FGF13: variants seen among roughly 807,000 people sequenced by gnomAD.
FGF13 encodes the protein fibroblast growth factor homologous factor 2.
In FGF13, 2 loss-of-function variants were observed where a neutral mutation model predicts 19.5. The ratio of observed to expected loss-of-function variants is 0.10; its 90% CI spans 0.04 to 0.32. The LOEUF is 0.32. FGF13 is among the 10% of genes least tolerant of loss of function. The pLI is 1.00. For synonymous variants in FGF13, 72 were observed against 76.9 expected (o/e 0.94, Z 0.33); for missense variants, 113 against 192.7 (o/e 0.59, Z 2.45).
intron 1 of FGF13, among the ~76,000 whole-genome samples, chrX:139,147,710 T>TGCCC (rs1055592768): frequency 9.0e-6 from 1 of 111,357 alleles, no homozygotes; most frequent in African/African-American, 3.3e-5. Flanking sequence ...TTTCAATCTC[T>TGCCC]GCCCTCGTCT....
At chrX:138,961,159 G>C (rs746273503) in intron 1 of FGF13, among the ~76,000 whole-genome samples, 8 of 111,263 alleles carry the variant, frequency 7.2e-5, no homozygotes, top group Non-Finnish European at 1.3e-4. Flanking sequence ...ATCTACCTTT[G>C]GTCTTTGATG....
rs748506693 is a variant in FGF13, at chrX:138,674,418, G to C, written c.402+28566C>G. Among the ~76,000 whole-genome samples the C allele has an allele frequency of 2.7e-5, 3 of 111,428 alleles. No individual in the cohort carries two copies. In the Admixed American group the frequency reaches 2.9e-4, roughly 11 times the overall value. On this transcript the variant is annotated intron_variant, in intron 3 of 4. Transcript: ENST00000315930. Reference sequence around the variant, plus strand: ...ATAGATGCTGAATTAGCACAGATGTGGATTGAACAAGGGCTGGAGTATTGC... The same window carrying C: ...ATAGATGCTGAATTAGCACAGATGTCGATTGAACAAGGGCTGGAGTATTGC...
intron 3 of FGF13, among the ~76,000 whole-genome samples, chrX:138,820,480 G>C (rs1028282991): frequency 6.3e-5 from 7 of 111,489 alleles, no homozygotes; most frequent in Non-Finnish European, 1.3e-4. Context: ...GTTTCTGTTG[G>C]AACTATTCAA....
chrX:138,637,231 T>A (rs905451831), intron 3 of FGF13, among the ~76,000 whole-genome samples: 1 of 112,264 alleles, frequency 8.9e-6, no homozygotes, highest in African/African-American at 3.2e-5. Context: ...CTGTGAAAAC[T>A]CCTCTTTGTA....
chrX:139,013,155 C>G (rs1255520648), intron 1 of FGF13, among the ~76,000 whole-genome samples: 1 of 110,752 alleles, frequency 9.0e-6, no homozygotes, highest in East Asian at 2.9e-4. Context: ...ACACCTCACT[C>G]CTGCAAGAAT....
chrX:139,156,450 A>G (rs922274513), intron 1 of FGF13, among the ~76,000 whole-genome samples: 2 of 112,219 alleles, frequency 1.8e-5, no homozygotes, highest in African/African-American at 6.5e-5. Context: ...CATGATTACA[A>G]TGCATCAAAA....
intron 1 of FGF13, among the ~76,000 whole-genome samples, chrX:138,942,728 T>C (rs2091764343): frequency 1.8e-5 from 2 of 111,883 alleles, no homozygotes; most frequent in Non-Finnish European, 3.8e-5. Flanking sequence ...ACAAAGGTAT[T>C]TTCTATCTCT....
At chrX:139,072,560 G>C (rs896792289) in intron 1 of FGF13, among the ~76,000 whole-genome samples, 31 of 111,970 alleles carry the variant, frequency 2.8e-4, no homozygotes, top group African/African-American at 1.0e-3. Flanking sequence ...TCACCTATTG[G>C]AAGATAATTT....
intron 3 of FGF13, among the ~76,000 whole-genome samples, chrX:138,841,502 C>G (rs2091149698): frequency 9.1e-6 from 1 of 110,233 alleles, no homozygotes. Context: ...AGTACCTATC[C>G]AATCCTTTTT....
intron 3 of FGF13, 61 bp from the exon 4 acceptor site, chrX:138,635,716 C>T (rs976229737): frequency 1.1e-6 from 1 of 935,457 alleles, no homozygotes; most frequent in Non-Finnish European, 1.5e-6. Flanking sequence ...CCTGTAGAAT[C>T]ATGTGGTATT....
At chrX:139,063,928 C>T (rs1035760852) in intron 1 of FGF13, among the ~76,000 whole-genome samples, 4 of 111,252 alleles carry the variant, frequency 3.6e-5, no homozygotes, top group East Asian at 2.8e-4. Context: ...TCAGTTTATA[C>T]GAGTACAGTA....
At chrX:139,052,006 G>C (rs1262125474) in intron 1 of FGF13, among the ~76,000 whole-genome samples, 1 of 112,124 alleles carries the variant, frequency 8.9e-6, no homozygotes, top group Non-Finnish European at 1.9e-5. Flanking sequence ...TCATTCATCT[G>C]TTCATATCTT....
At chrX:139,039,802 G>C (rs6635763) in intron 1 of FGF13, among the ~76,000 whole-genome samples, 144 of 111,328 alleles carry the variant, frequency 1.3e-3, no homozygotes, top group African/African-American at 4.6e-3. Flanking sequence ...TATTATGAAT[G>C]AACTAAGTCT....
In FGF13 at chrX:138,632,997, C is replaced by T. The variant is rs2089138026; in HGVS notation, c.602-11G>A. The stretch of plus-strand genomic sequence containing the variant: ...CCTTGTACATGGCCACTGAAAAGCA[C>T]ACAAAGATGGTGTAAAAGGCCTTCA... On this transcript the variant is annotated splice_polypyrimidine_tract_variant and intron_variant, in intron 4 of 4. Transcript: ENST00000315930. The T allele has an allele frequency of 1.7e-6, 2 of 1,201,388 alleles. No homozygotes were observed. The highest frequency in any genetic ancestry group is 2.3e-6 in the Non-Finnish European group (2 of 888,831).
At chrX:138,981,474 G>C (rs1603093778) in intron 1 of FGF13, among the ~76,000 whole-genome samples, 1 of 111,352 alleles carries the variant, frequency 9.0e-6, no homozygotes, top group African/African-American at 3.3e-5. Context: ...CCTATTTTGA[G>C]CAACCATGAT....
chrX:138,664,034 C>T (rs2089515644), intron 3 of FGF13, among the ~76,000 whole-genome samples: 1 of 111,739 alleles, frequency 8.9e-6, no homozygotes, highest in African/African-American at 3.3e-5. Context: ...TTTCATTCAG[C>T]ACACCTCCAA....
chrX:138,717,434 G>A (rs1284622471), intron 1 of FGF13, among the ~76,000 whole-genome samples: 2 of 111,134 alleles, frequency 1.8e-5, no homozygotes, highest in South Asian at 7.8e-4. Context: ...TAGGTATGTG[G>A]GTTGGTTTCC....
At chrX:139,083,908 C>G (rs1200665504) in intron 1 of FGF13, among the ~76,000 whole-genome samples, 1 of 110,396 alleles carries the variant, frequency 9.1e-6, no homozygotes, top group Non-Finnish European at 1.9e-5. Flanking sequence ...AAGAAAGTAT[C>G]CCAGGGAGAG....
At chrX:138,690,237 G>C (rs1431448955) in intron 3 of FGF13, among the ~76,000 whole-genome samples, 2 of 111,611 alleles carry the variant, frequency 1.8e-5, no homozygotes, top group Admixed American at 1.9e-4. Context: ...AAAGTCAATA[G>C]TAGAAAATGA....
Sources: gnomAD v4.1 joint callset for allele counts (sites outside exome capture counted in the v4.1 genomes callset) on GRCh38, gnomAD v4.1.1 for gene constraint, MANE v1.5 for transcripts, NCBI Gene and HGNC (gene_info 2026-07-23, HGNC 2026-07-21) for gene names.